SPEF2: variants seen among roughly 807,000 people sequenced by gnomAD.
SPEF2 encodes the protein sperm flagellar and cilia associated 2.
SPEF2 carries 187 observed loss-of-function variants against 224.6 expected under a neutral mutation model. The ratio of observed to expected loss-of-function variants is 0.83; its 90% CI spans 0.74 to 0.94. SPEF2 has a LOEUF of 0.94. SPEF2 is among the 40% of genes least tolerant of loss of function. The pLI is 0.00. For synonymous variants in SPEF2, 715 were observed against 707.3 expected, an observed-to-expected ratio of 1.01 and a Z score of -0.17; for missense variants, 2,170 against 2,135.6, an observed-to-expected ratio of 1.02 and a Z score of -0.32.
intron 23 of SPEF2, among the ~76,000 whole-genome samples, chr5:35,746,302 A>G (rs1748511565): frequency 2.0e-5 from 3 of 152,186 alleles, no homozygotes; most frequent in African/African-American, 7.2e-5. Flanking sequence ...TTCACCAGCA[A>G]TGGATCCAAA....
At position 35,646,764 on chromosome 5, in the gene SPEF2, C is replaced by A; in HGVS notation, c.683C>A (p.Ala228Glu). The change falls in exon 5 of 37, where the codon GCA (alanine) becomes GAA (glutamate). Residue 228 changes from alanine to glutamate, a missense_variant. Transcript: ENST00000356031. ...CCTGCATCAAATCGTACTTTGAAAG[C>A]ACTCGAGGCCCAAAAAATGATGAAA... The part of the protein sequence containing the change: ...PKPASNRTLK[A>E]LEAQKMMKKK... The A allele has an allele frequency of 6.2e-7, 1 of 1,613,770 alleles. No individual in the cohort carries two copies.
At chr5:35,776,460 A>G (rs1243376718) in intron 29 of SPEF2, 65 bp downstream of exon 29, 9 of 1,517,408 alleles carry the variant, frequency 5.9e-6, no homozygotes, top group Non-Finnish European at 7.1e-6. Context: ...ATTGATGAAG[A>G]TTTTTAAGGT....
intron 23 of SPEF2, among the ~76,000 whole-genome samples, chr5:35,752,512 G>C (rs1195981521): frequency 6.6e-6 from 1 of 151,822 alleles, no homozygotes; most frequent in Non-Finnish European, 1.5e-5. Context: ...GACCAGGCTG[G>C]TCTTGAACTC....
chr5:35,687,558 T>C (rs899036824), intron 10 of SPEF2, among the ~76,000 whole-genome samples: 3 of 152,122 alleles, frequency 2.0e-5, no homozygotes, highest in East Asian at 1.9e-4. Context: ...GGTTTCACCA[T>C]GTTGGTCAGG....
intron 36 of SPEF2, among the ~76,000 whole-genome samples, chr5:35,809,167 C>T (rs1758386827): frequency 6.6e-6 from 1 of 152,000 alleles, no homozygotes; most frequent in Non-Finnish European, 1.5e-5. Context: ...AGGGGAAGTG[C>T]TACAGAAATG....
At position 35,692,593 on chromosome 5, in the gene SPEF2, A is replaced by G. The variant is rs1754684846; in HGVS notation, c.1768A>G (p.Ile590Val). The change falls in exon 12 of 37, where the codon ATT becomes GTT. Residue 590 changes from isoleucine (I) to valine (V), a missense_variant. By Grantham distance (29) the Ile-to-Val change is conservative (BLOSUM62 3). Transcript: ENST00000356031. ...AGACTTTCCTATACAGATACTTTCTATTGACACTCTTGTCCAAGAAGCTAT... is the reference window on the plus strand; with the variant it reads ...AGACTTTCCTATACAGATACTTTCTGTTGACACTCTTGTCCAAGAAGCTAT... ...QKDFPIQILS[I>V]DTLVQEAIQA... 6.2e-7 allele frequency: 1 copy of G among 1,612,296 alleles called. No individual in the cohort carries two copies. The highest frequency in any genetic ancestry group is 8.5e-7 in the Non-Finnish European group (1 of 1,179,022).
intron 10 of SPEF2, among the ~76,000 whole-genome samples, chr5:35,684,500 T>C (rs914296350): frequency 6.6e-5 from 10 of 152,102 alleles, no homozygotes; most frequent in Middle Eastern, 3.2e-3. Context: ...ATGGAAGAGG[T>C]CTATTCGGAT....
chr5:35,771,701 TA>T lies in SPEF2; in HGVS notation c.3900del (p.Val1301SerfsTer29). 6.2e-7 allele frequency: 1 copy of T among 1,600,650 alleles called. No homozygotes were observed. The highest frequency in any genetic ancestry group is 1.1e-5 in the South Asian group (1 of 87,718). On this transcript the variant is annotated frameshift_variant, in exon 27 of 37. Coordinates refer to ENST00000356031, the MANE Select transcript of SPEF2 (RefSeq NM_024867.4). LOFTEE classifies it high-confidence loss of function. Reference protein sequence around the residue: ...KEKSPQMGANKKVKKEPPKKK... With the variant: ...KEKSPQMGANXKVKKEPPKKK... ...AAAAATCTCCTCAGATGGGTGCAAATAAAAAAGTCAAAAAGGAGCCACCCAA... is the reference window on the plus strand; with the variant it reads ...AAAAATCTCCTCAGATGGGTGCAAATAAAAAGTCAAAAAGGAGCCACCCAA...
chr5:35,727,224 T>C (rs1744819593), intron 20 of SPEF2, among the ~76,000 whole-genome samples: 1 of 152,144 alleles, frequency 6.6e-6, no homozygotes, highest in South Asian at 2.1e-4. Flanking sequence ...CAGCTGACTC[T>C]TATAACATCC....
At chr5:35,660,740 C>G (rs966876222) in intron 8 of SPEF2, among the ~76,000 whole-genome samples, 21 of 152,106 alleles carry the variant, frequency 1.4e-4, no homozygotes, top group African/African-American at 5.1e-4. Flanking sequence ...TTCTAAGTGC[C>G]TATTTGAAAA....
chr5:35,675,911 G>T, intron 10 of SPEF2: 1 of 456,258 alleles, frequency 2.2e-6, no homozygotes, highest in South Asian at 1.5e-5. Context: ...TGGGACTTGT[G>T]TCTATGGAAT....
rs1203514196 is a variant in SPEF2 at position 35,811,767 on chromosome 5, C to CTTT, written c.5380-2679_5380-2677dup. ...AAAGTAGTTGCAGTTTTTGCCATTA[C>CTTT]TTTTTTTTTTTTTTTTTTTTGAGAC... is the stretch of plus-strand genomic sequence containing the variant. On this transcript the variant is annotated intron_variant, in intron 36 of 36. Coordinates refer to ENST00000356031, the MANE Select transcript of SPEF2 (RefSeq NM_024867.4). Among the ~76,000 whole-genome samples the CTTT allele has an allele frequency of 6.3e-3, 728 of 115,392 alleles. 43 individuals carry two copies. Among genetic ancestry groups the CTTT allele is most frequent in the African/African-American group, 0.024 (661 of 27,556 alleles). 75.7% of individuals were successfully genotyped at this position (115,392 alleles called of 152,430 possible). A position where few individuals can be genotyped will look rare whatever the true frequency, so the allele number is the denominator to read the frequency against.
intron 6 of SPEF2, among the ~76,000 whole-genome samples, chr5:35,653,815 C>T (rs1055619054): frequency 2.0e-5 from 3 of 150,982 alleles, no homozygotes; most frequent in South Asian, 2.1e-4. Context: ...GGCGTGGTGG[C>T]GTGTGCCTGT....
intron 21 of SPEF2, among the ~76,000 whole-genome samples, chr5:35,730,492 G>T (rs970083393): frequency 8.5e-5 from 13 of 152,234 alleles, no homozygotes; most frequent in African/African-American, 3.1e-4. Flanking sequence ...TTGGAAACCT[G>T]TCCTCCTTCA....
At chr5:35,766,490 C>A (rs1204178087) in intron 26 of SPEF2, among the ~76,000 whole-genome samples, 1 of 151,960 alleles carries the variant, frequency 6.6e-6, no homozygotes, top group Non-Finnish European at 1.5e-5. Flanking sequence ...CTTGCAGTGT[C>A]TATGTGACGT....
intron 6 of SPEF2, among the ~76,000 whole-genome samples, chr5:35,651,444 G>A (rs1305537406): frequency 6.6e-6 from 1 of 152,144 alleles, no homozygotes; most frequent in Non-Finnish European, 1.5e-5. Context: ...GTTACCTGTG[G>A]CTGTGAACAG....
intron 1 of SPEF2, 128 bp from the exon 2 acceptor site, chr5:35,628,332 A>C: frequency 2.0e-6 from 1 of 497,178 alleles, no homozygotes. Context: ...TGTTTCTAGA[A>C]ATATATTCAT....
chr5:35,725,354 G>A (rs1047414332), intron 20 of SPEF2, among the ~76,000 whole-genome samples: 16 of 152,168 alleles, frequency 1.1e-4, no homozygotes, highest in African/African-American at 3.4e-4. Flanking sequence ...TAGTGAAGCT[G>A]TTAATTAATT....
rs765817232 is a variant in SPEF2 at position 35,692,676 on chromosome 5, TGAA to T, written c.1857_1859del (p.Glu619del). On this transcript the variant is annotated inframe_deletion, in exon 12 of 37. Coordinates refer to ENST00000356031, the MANE Select transcript of SPEF2 (RefSeq NM_024867.4). ...AGGTTCTACCAATTCAGAAAAATGA[TGAA>T]GAAGATGCTCTACCAGTTCTGCAAG... 6 of 1,613,784 alleles carry T rather than the reference TGAA, an allele frequency of 3.7e-6. No individual in the cohort carries two copies. The highest frequency in any genetic ancestry group is 2.7e-5 in the African/African-American group (2 of 74,996).
Sources: gnomAD v4.1 joint callset for allele counts (sites outside exome capture counted in the v4.1 genomes callset) on GRCh38, gnomAD v4.1.1 for gene constraint, MANE v1.5 for transcripts, NCBI Gene and HGNC (gene_info 2026-07-23, HGNC 2026-07-21) for gene names.